The following QRSL1 variants were observed in gnomAD, a reference collection of about 807,000 sequenced individuals.
The protein encoded by QRSL1 is glutaminyl-tRNA amidotransferase subunit QRSL1.
Under a neutral mutation model 61.6 loss-of-function variants are expected in QRSL1, and 54 were observed. The ratio of observed to expected loss-of-function variants is 0.88; its 90% CI spans 0.70 to 1.10. QRSL1 has a LOEUF of 1.10. Among genes scored for constraint, QRSL1 ranks in the 50% least tolerant of loss-of-function variants. The probability of loss-of-function intolerance (pLI) is 0.00; values close to 1 mark genes in which losing one functional copy is unlikely to be tolerated. For missense variants in QRSL1, 505 were observed against 622.6 expected (o/e 0.81, Z 2.01); for synonymous variants, 228 against 225.7 (o/e 1.01, Z -0.09).
intron 1 of QRSL1, among the ~76,000 whole-genome samples, chr6:106,629,940 T>C (rs1776782000): frequency 1.3e-5 from 2 of 152,058 alleles, no homozygotes; most frequent in Admixed American, 6.6e-5. Flanking sequence ...GTGAAGCGGC[T>C]TCTCACCATT....
chr6:106,648,533 A>T (rs1777148792), intron 4 of QRSL1, among the ~76,000 whole-genome samples: 1 of 152,208 alleles, frequency 6.6e-6, no homozygotes, highest in Admixed American at 6.5e-5. Context: ...AAGCAAAGGG[A>T]TAAAATGTTG....
intron 10 of QRSL1, among the ~76,000 whole-genome samples, chr6:106,664,632 G>A (rs1777405178): frequency 6.6e-6 from 1 of 152,164 alleles, no homozygotes; most frequent in South Asian, 2.1e-4. Context: ...CCATAATCAG[G>A]ATTTGTCAGA....
rs1777206500 is a variant in QRSL1 at position 106,652,574 on chromosome 6, A to G, written c.841A>G (p.Ile281Val). The change falls in exon 7 of 11, where the codon ATT becomes GTT. Residue 281 changes from isoleucine to valine, a missense_variant. Ile to Val is a conservative substitution (Grantham distance 29, BLOSUM62 3). Transcript: ENST00000369046. ...AGATGTGAGCAAACTATGTATAGGA[A>G]TTCCAAAGGTAACTTTTTCCTTTCA... ...LADVSKLCIG[I>V]PKEYLVPELS... The G allele has an allele frequency of 6.2e-7, 1 of 1,614,092 alleles. No homozygotes were observed. Among genetic ancestry groups the G allele is most frequent in the African/African-American group, 1.3e-5 (1 of 74,910 alleles).
intron 3 of QRSL1, chr6:106,642,585 T>C: frequency 1.3e-6 from 1 of 745,744 alleles, no homozygotes; most frequent in Non-Finnish European, 2.5e-6. Context: ...ATCAAGGGAA[T>C]GGGTATTGTT....
rs1308531325 is a variant in QRSL1 at position 106,663,158 on chromosome 6, AT to A, written c.1344del (p.Phe448LeufsTer5). ...CAGAACCCGAAGTGCCCAGGATGATATTTTTACACAAGCTGTAAATATGGCA... is the reference window on the plus strand; with the variant it reads ...CAGAACCCGAAGTGCCCAGGATGATATTTTACACAAGCTGTAAATATGGCA... ...DNRTRSAQDD[I>X]FTQAVNMAGL... On this transcript the variant is annotated frameshift_variant, in exon 10 of 11. Coordinates refer to ENST00000369046, the MANE Select transcript of QRSL1 (RefSeq NM_018292.5). LOFTEE classifies it high-confidence loss of function. The A allele has an allele frequency of 4.3e-6, 7 of 1,614,014 alleles. No individual in the cohort carries two copies. The highest frequency in any genetic ancestry group is 3.3e-5 in the Admixed American group (2 of 60,000).
intron 1 of QRSL1, among the ~76,000 whole-genome samples, chr6:106,639,453 T>C (rs1454671672): frequency 6.6e-6 from 1 of 152,142 alleles, no homozygotes; most frequent in Non-Finnish European, 1.5e-5. Flanking sequence ...TTAAATGAAG[T>C]AATAATGCAT....
chr6:106,652,992 T>G, intron 7 of QRSL1: 2 of 376,562 alleles, frequency 5.3e-6, no homozygotes, highest in East Asian at 1.0e-4. Context: ...ACCAGCTGGC[T>G]TGTCACATCT....
intron 1 of QRSL1, among the ~76,000 whole-genome samples, chr6:106,630,393 C>CA (rs1412382428): frequency 2.6e-5 from 4 of 152,198 alleles, no homozygotes; most frequent in African/African-American, 9.6e-5. Context: ...TTTAATGGCA[C>CA]AACTATTATC....
intron 4 of QRSL1, among the ~76,000 whole-genome samples, chr6:106,645,806 A>G (rs1461270107): frequency 6.6e-6 from 1 of 152,236 alleles, no homozygotes; most frequent in Non-Finnish European, 1.5e-5. Context: ...TGATTTTTCT[A>G]TATTGACCTT....
chr6:106,662,349 C>A (rs1427949763), intron 9 of QRSL1, among the ~76,000 whole-genome samples: 3 of 152,144 alleles, frequency 2.0e-5, no homozygotes, highest in African/African-American at 7.2e-5. Flanking sequence ...TGTAGAATTG[C>A]ATCTACTAGT....
chr6:106,640,750 G>A (rs894066720), intron 2 of QRSL1, 73 bp from the exon 3 acceptor site: 11 of 1,308,542 alleles, frequency 8.4e-6, no homozygotes, highest in East Asian at 2.3e-5. Flanking sequence ...AGTAGTTACT[G>A]TAATAACATG....
chr6:106,666,381 G>A lies in QRSL1; in HGVS notation c.*379G>A, dbSNP rs532074709. On this transcript the variant is annotated 3_prime_UTR_variant, in exon 11 of 11. Coordinates refer to ENST00000369046, the MANE Select transcript of QRSL1 (RefSeq NM_018292.5). ...ATTCTATATTCTAGAGAGTCAAATG[G>A]TCTTGCTCAATTCTTGTAATTAGGT... 3.2e-4 allele frequency: 61 copies of A among 192,366 alleles called. No individual in the cohort carries two copies. Among genetic ancestry groups the A allele is most frequent in the African/African-American group, 1.3e-3 (53 of 41,734 alleles). 11.9% of individuals were successfully genotyped at this position (192,366 alleles called of 1,614,324 possible).
rs72946534 is a variant in QRSL1, at chr6:106,655,669, G to A, written c.1097G>A (p.Arg366Gln). 9.4e-4 allele frequency: 1,517 copies of A among 1,613,678 alleles called. 1 individual carries two copies. The highest frequency in any genetic ancestry group is 1.2e-3 in the Non-Finnish European group (1,413 of 1,179,790). ...STEAMYAATR[R>Q]EGFNDVVRGR... ...GAAGCCATGTATGCTGCAACCAGAC[G>A]AGAAGGGTTTAATGATGTGGTGAGA... is the stretch of plus-strand genomic sequence containing the variant. The change falls in exon 9 of 11, where the codon CGA becomes CAA. Residue 366 changes from arginine to glutamine, a missense_variant. Transcript: ENST00000369046.
chr6:106,644,662 A>G (rs1489916464), intron 4 of QRSL1, among the ~76,000 whole-genome samples: 5 of 152,064 alleles, frequency 3.3e-5, no homozygotes, highest in Non-Finnish European at 7.4e-5. Context: ...TTGGGATTAC[A>G]GGCACGCACC....
chr6:106,635,303 A>G (rs72613238), intron 1 of QRSL1, among the ~76,000 whole-genome samples: 10,911 of 152,182 alleles, frequency 0.072, 976 homozygotes, highest in African/African-American at 0.2. Context: ...CCAGGATGGC[A>G]TGGTGTCCTG....
intron 9 of QRSL1, among the ~76,000 whole-genome samples, chr6:106,661,391 A>G (rs3101497): frequency 0.99 from 150,339 of 152,282 alleles, 74,232 homozygotes; most frequent in East Asian, 1. Flanking sequence ...TGAGATTACA[A>G]CATGAGCCAC....
Position 106,643,052 on chromosome 6 carries a change from A to G in QRSL1, c.342A>G (p.Leu114=). 2 of 1,613,196 alleles carry G rather than the reference A, an allele frequency of 1.2e-6. No homozygotes were observed. Among genetic ancestry groups the G allele is most frequent in the Non-Finnish European group, 1.7e-6 (2 of 1,179,442 alleles). ...AGAAGTTGTTGGATCAGGGAGCTCT[A>G]CTAATGGGAAAAACAAATTTAGATG... is the stretch of plus-strand genomic sequence containing the variant. The part of the protein sequence containing the change: ...VVQKLLDQGA[L]LMGKTNLDEF... The change falls in exon 4 of 11, where the codon CTA becomes CTG. Residue 114 remains leucine, a synonymous_variant. Transcript: ENST00000369046.
At chr6:106,646,782 A>G (rs906743388) in intron 4 of QRSL1, among the ~76,000 whole-genome samples, 2 of 152,212 alleles carry the variant, frequency 1.3e-5, no homozygotes, top group African/African-American at 4.8e-5. Context: ...TAATCCCAGC[A>G]CTTTGGGAGG....
rs749645149 is a variant in QRSL1 at position 106,662,962 on chromosome 6, CCTA to C, written c.1161-15_1161-13del. The C allele has an allele frequency of 2.6e-6, 4 of 1,560,432 alleles. No individual in the cohort carries two copies. The Admixed American group carries it at 6.7e-5, about 26-fold the overall frequency. On this transcript the variant is annotated splice_polypyrimidine_tract_variant and intron_variant, in intron 9 of 10. Coordinates refer to ENST00000369046, the MANE Select transcript of QRSL1 (RefSeq NM_018292.5). ...ATACAAAAAATCCTTAAAAACATCA[CCTA>C]CTTTTTTCCCACAGAAACTATGAAA... is the stretch of plus-strand genomic sequence containing the variant.
Sources: allele counts gnomAD v4.1 joint callset (sites outside exome capture counted in the v4.1 genomes callset), GRCh38; gene constraint gnomAD v4.1.1; transcripts MANE v1.5; gene names NCBI Gene and HGNC (gene_info 2026-07-23, HGNC 2026-07-21).